Variants in SLC19A1 observed in about 807,000 individuals in gnomAD.
SLC19A1 encodes the protein reduced folate transporter.
In SLC19A1, 37 loss-of-function variants were observed where a neutral mutation model predicts 35.3. That is an observed-to-expected ratio of 1.05 (90% CI 0.81 to 1.38). SLC19A1 has a LOEUF of 1.38. Among genes scored for constraint, SLC19A1 ranks in the 40% most tolerant of loss-of-function variants. The pLI, the probability that SLC19A1 is intolerant of heterozygous loss-of-function variation, is 0.00. For missense variants in SLC19A1, 831 were observed against 826.9 expected, an observed-to-expected ratio of 1.00 and a Z score of -0.06; for synonymous variants, 460 against 398.5, an observed-to-expected ratio of 1.15 and a Z score of -1.84.
chr21:45,505,433 TAA>T, intron 3 of SLC19A1: 1 of 1,528,252 alleles, frequency 6.5e-7, no homozygotes, highest in Non-Finnish European at 9.0e-7. Flanking sequence ...TCCTCAGGGG[TAA>T]GTGTCTGGGC....
chr21:45,526,233 C>T (rs1678508069), intron 4 of SLC19A1, among the ~76,000 whole-genome samples: 1 of 152,220 alleles, frequency 6.6e-6, no homozygotes, highest in African/African-American at 2.4e-5. Flanking sequence ...ATCCAAAATG[C>T]CTGGGGCCAG....
Position 45,513,785 on chromosome 21 carries a change from G to C in SLC19A1, c.*1873C>G, listed in dbSNP as rs566851565. 2.0e-5 allele frequency: 3 copies of C among 152,252 alleles called. No individual in the cohort carries two copies. The highest frequency in any genetic ancestry group is 4.4e-5 in the Non-Finnish European group (3 of 68,048). 9.4% of individuals were successfully genotyped at this position (152,252 alleles called of 1,614,324 possible). A position where few individuals can be genotyped will look rare whatever the true frequency, so the allele number is the denominator to read the frequency against. ...CACAATTCTCCAAAAGGAGTTCTCA[G>C]GAGTCTTTTATCCCTGGACTGCCCC... is the stretch of plus-strand genomic sequence containing the variant. On this transcript the variant is annotated 3_prime_UTR_variant, in exon 6 of 6. Coordinates refer to ENST00000311124, the MANE Select transcript of SLC19A1 (RefSeq NM_194255.4).
intron 1 of SLC19A1, among the ~76,000 whole-genome samples, chr21:45,549,543 C>G (rs968626689): frequency 2.7e-5 from 4 of 148,402 alleles, no homozygotes; most frequent in Admixed American, 1.4e-4. Context: ...TCTCGTGTCT[C>G]TTGGGAGACA....
chr21:45,529,601 G>A (rs868069384), intron 4 of SLC19A1, among the ~76,000 whole-genome samples: 4 of 77,862 alleles, frequency 5.1e-5, no homozygotes, highest in Non-Finnish European at 7.4e-5. Flanking sequence ...CCATGTGTGA[G>A]CGTGTGTCCA....
At chr21:45,552,088 C>A (rs558844279) in intron 1 of SLC19A1, among the ~76,000 whole-genome samples, 64 of 152,350 alleles carry the variant, frequency 4.2e-4, no homozygotes, top group Middle Eastern at 3.4e-3. Context: ...GAGTGTCTGA[C>A]CCACTGTCTC....
intron 1 of SLC19A1, among the ~76,000 whole-genome samples, chr21:45,554,665 T>G (rs912966178): frequency 2.0e-5 from 3 of 148,246 alleles, no homozygotes; most frequent in Admixed American, 2.0e-4. Context: ...CCGGCGATCC[T>G]TCCTGTGTGC....
rs1470335184 is a variant in SLC19A1 at position 45,542,383 on chromosome 21, GCGGC to G, written c.-69_-66del. ...CCACCGGTACCTGCGACTCGGCGGG[GCGGC>G]TGCCCTGGGGCTCCCGGACCCGGCC... On this transcript the variant is annotated 5_prime_UTR_variant, in exon 1 of 6. Transcript: ENST00000311124. The G allele has an allele frequency of 1.3e-5, 2 of 151,448 alleles. No homozygotes were observed. Among genetic ancestry groups the G allele is most frequent in the Middle Eastern group, 3.2e-3 (1 of 312 alleles). The allele number at this position is 151,448 out of a possible 1,614,324, so 9.4% of individuals were successfully genotyped here.
intron 5 of SLC19A1, among the ~76,000 whole-genome samples, chr21:45,523,144 C>T (rs1168401823): frequency 6.6e-6 from 1 of 152,196 alleles, no homozygotes; most frequent in Non-Finnish European, 1.5e-5. Flanking sequence ...ACTCTACCCC[C>T]GACCAAGCCT....
chr21:45,507,232 G>A, intron 3 of SLC19A1: 1 of 371,894 alleles, frequency 2.7e-6, no homozygotes, highest in Non-Finnish European at 4.9e-6. Context: ...GCCGGGTGTT[G>A]GGGAGGGAGA....
intron 1 of SLC19A1, among the ~76,000 whole-genome samples, chr21:45,558,779 A>G (rs2078587538): frequency 6.6e-6 from 1 of 150,516 alleles, no homozygotes; most frequent in African/African-American, 2.4e-5. Context: ...AGGGAAACAC[A>G]TTTCAGTTAA....
intron 3 of SLC19A1, chr21:45,506,352 G>C (rs917223190): frequency 5.6e-6 from 2 of 354,618 alleles, no homozygotes; most frequent in East Asian, 7.3e-5. Flanking sequence ...GGCCCCGGCT[G>C]GGGGGCAGGC....
chr21:45,531,020 G>T (rs1262050454), intron 3 of SLC19A1, 49 bp from the exon 4 acceptor site: 43 of 1,299,502 alleles, frequency 3.3e-5, no homozygotes, highest in Non-Finnish European at 4.1e-5. Flanking sequence ...GGGCCACGGG[G>T]CAGGGGGAGG....
rs533143766 is a variant in SLC19A1, at chr21:45,531,333, G to A, written c.949+56C>T. ...CGGGGGAAGGATCCACGGGGCAGGC[G>A]GAGGTGGACGGGAAGCCTCTGCGGG... is the stretch of plus-strand genomic sequence containing the variant. On this transcript the variant is annotated intron_variant, in intron 3 of 5. Coordinates refer to ENST00000311124, the MANE Select transcript of SLC19A1 (RefSeq NM_194255.4). 57 of 1,531,858 alleles carry A rather than the reference G, an allele frequency of 3.7e-5. No individual in the cohort carries two copies. The South Asian group carries it at 5.7e-4, about 15-fold the overall frequency. The allele number at this position is 1,531,858 out of a possible 1,614,324, so 94.9% of individuals were successfully genotyped here. A position where few individuals can be genotyped will look rare whatever the true frequency, so the allele number is the denominator to read the frequency against.
At chr21:45,510,189 C>T (rs1318470818), downstream of SLC19A1, 1 of 1,598,900 alleles carries the variant, frequency 6.3e-7, no homozygotes. Context: ...CCTTCCTGTC[C>T]TCGCGCCTGC....
chr21:45,558,277 G>A (rs1053753538), intron 1 of SLC19A1, among the ~76,000 whole-genome samples: 10 of 152,232 alleles, frequency 6.6e-5, no homozygotes, highest in Non-Finnish European at 1.2e-4. Context: ...GGTGGGCCAC[G>A]GCTGGCTGGA....
At chr21:45,505,437 T>A in intron 3 of SLC19A1, 1 of 1,513,436 alleles carries the variant, frequency 6.6e-7, no homozygotes, top group Non-Finnish European at 9.1e-7. Flanking sequence ...CAGGGGTAAG[T>A]GTCTGGGCAG....
rs946769867 is a variant in SLC19A1 at position 45,534,978 on chromosome 21, G to A, written c.189+2793C>T. Among the ~76,000 whole-genome samples the A allele has an allele frequency of 6.6e-6, 1 of 152,262 alleles. No individual in the cohort carries two copies. The highest frequency in any genetic ancestry group is 2.4e-5 in the African/African-American group (1 of 41,466). On this transcript the variant is annotated intron_variant, in intron 2 of 5. Transcript: ENST00000311124. This position sits in a 1 kb window ranked among gnomAD's most constrained non-coding sequence, Gnocchi z 4.2. ...GCTGCGCCCAAATCTACGTCCAGACGGCCTCAGGGCGGCTTCTCTGAACAG... is the reference window on the plus strand; with the variant it reads ...GCTGCGCCCAAATCTACGTCCAGACAGCCTCAGGGCGGCTTCTCTGAACAG...
At position 45,514,604 on chromosome 21, in the gene SLC19A1, T is replaced by C. The variant is rs2838955; in HGVS notation, c.*1054A>G. 0.47 allele frequency: 86,002 copies of C among 183,832 alleles called. 20,573 individuals are homozygous for C. Among genetic ancestry groups the C allele is most frequent in the East Asian group, 0.57 (4,287 of 7,526 alleles). The allele number at this position is 183,832 out of a possible 1,614,324, so 11.4% of individuals were successfully genotyped here. A position where few individuals can be genotyped will look rare whatever the true frequency, so the allele number is the denominator to read the frequency against. ...GCTCAGCTCATGGGCACCAAGGCCC[T>C]GCGTGGGCTGGAGGCGGGAGAAGGC... On this transcript the variant is annotated 3_prime_UTR_variant, in exon 6 of 6. Coordinates refer to ENST00000311124, the MANE Select transcript of SLC19A1 (RefSeq NM_194255.4).
In SLC19A1 at chr21:45,525,829, C is replaced by T. The variant is rs2077592851; in HGVS notation, c.1281G>A (p.Pro427=). 2.1e-5 allele frequency: 34 copies of T among 1,613,032 alleles called. No homozygotes were observed. The highest frequency in any genetic ancestry group is 2.4e-5 in the Non-Finnish European group (28 of 1,179,902). ...GAAATGGGCTCACCTGCTTGCGGAC[C>T]GGGAGGCCCAGGCCCCGCACGTCCG... is the stretch of plus-strand genomic sequence containing the variant. ...IVSDVRGLGL[P]VRKQFQLYSV... is the part of the protein sequence containing the mutation. The change falls in exon 5 of 6, where the codon CCG becomes CCA. Residue 427 remains proline, a synonymous_variant. Transcript: ENST00000311124.
Sources: gnomAD v4.1 joint callset for allele counts (sites outside exome capture counted in the v4.1 genomes callset) on GRCh38, gnomAD v4.1.1 for gene constraint, Gnocchi (gnomAD v3.1) non-coding constraint, MANE v1.5 for transcripts, NCBI Gene and HGNC (gene_info 2026-07-23, HGNC 2026-07-21) for gene names.